PIP4K2B: variants seen among roughly 807,000 people sequenced by gnomAD.
PIP4K2B encodes the protein phosphatidylinositol 5-phosphate 4-kinase type-2 beta.
In PIP4K2B, 3 loss-of-function variants were observed where a neutral mutation model predicts 42.0. That is an observed-to-expected ratio of 0.07 (90% confidence interval 0.03 to 0.18). PIP4K2B has a LOEUF of 0.18. PIP4K2B is among the 10% of genes least tolerant of loss of function. PIP4K2B has a pLI of 1.00. For missense variants in PIP4K2B, 332 were observed against 562.3 expected, an observed-to-expected ratio of 0.59 and a Z score of 4.14; for synonymous variants, 204 against 210.1, an observed-to-expected ratio of 0.97 and a Z score of 0.25.
At chr17:38,797,313 CG>C (rs1910705867) in intron 1 of PIP4K2B, among the ~76,000 whole-genome samples, 1 of 152,164 alleles carries the variant, frequency 6.6e-6, no homozygotes, top group South Asian at 2.1e-4. Context: ...GCCTGCCTAT[CG>C]GAACACCATG....
intron 1 of PIP4K2B, among the ~76,000 whole-genome samples, chr17:38,787,591 CTTTCTT>C (rs1164543056): frequency 2.0e-5 from 3 of 152,080 alleles, no homozygotes; most frequent in East Asian, 1.9e-4. Flanking sequence ...TATTATTTAT[CTTTCTT>C]TTTCTTTTTC....
intron 1 of PIP4K2B, among the ~76,000 whole-genome samples, chr17:38,797,970 C>A (rs1259353525): frequency 1.3e-5 from 2 of 152,136 alleles, no homozygotes; most frequent in African/African-American, 2.4e-5. Context: ...GTAACCTGCC[C>A]AAGACCAAGA....
intron 5 of PIP4K2B, among the ~76,000 whole-genome samples, chr17:38,779,059 A>G (rs1359055364): frequency 6.6e-6 from 1 of 152,242 alleles, no homozygotes; most frequent in African/African-American, 2.4e-5. Context: ...CTAGAGATGC[A>G]CTTGTGCTGG....
In PIP4K2B at chr17:38,768,329, C is replaced by G. The variant is rs952351869; in HGVS notation, c.*1362G>C. The stretch of plus-strand genomic sequence containing the variant: ...TGGCAGGCTCCGAAGGCAGGTGGAA[C>G]ACCTGCAGGAAGCCACTCCTTCCAA... On this transcript the variant is annotated 3_prime_UTR_variant, in exon 10 of 10. Transcript: ENST00000619039. 2.0e-5 allele frequency: 3 copies of G among 152,388 alleles called. No individual in the cohort carries two copies. The highest frequency in any genetic ancestry group is 7.2e-5 in the African/African-American group (3 of 41,460). The allele number at this position is 152,388 out of a possible 1,614,324, so 9.4% of individuals were successfully genotyped here.
intron 7 of PIP4K2B, chr17:38,776,658 A>C (rs778141002): frequency 2.7e-5 from 12 of 439,412 alleles, no homozygotes; most frequent in South Asian, 9.8e-5. Context: ...AACAAACAAA[A>C]AAAACACCTA....
At chr17:38,774,056 C>T (rs1317927726) in intron 7 of PIP4K2B, among the ~76,000 whole-genome samples, 48 of 152,348 alleles carry the variant, frequency 3.2e-4, no homozygotes, top group African/African-American at 2.4e-5. Context: ...CGCTTCCTAG[C>T]AAAACGAAGT....
Position 38,766,491 on chromosome 17 carries a change from T to G in PIP4K2B, c.*3200A>C, listed in dbSNP as rs1325690430. On this transcript the variant is annotated 3_prime_UTR_variant, in exon 10 of 10. Transcript: ENST00000619039. ...CCCCAAGGTATGCCCTGGCAGACCATGAAGACAGGAAAGGCAGGGCAGGAG... is the reference window on the plus strand; with the variant it reads ...CCCCAAGGTATGCCCTGGCAGACCAGGAAGACAGGAAAGGCAGGGCAGGAG... 1.3e-5 allele frequency: 2 copies of G among 152,610 alleles called. No individual in the cohort carries two copies. Among genetic ancestry groups the G allele is most frequent in the East Asian group, 1.9e-4 (1 of 5,182 alleles). 9.5% of individuals were successfully genotyped at this position (152,610 alleles called of 1,614,324 possible).
Position 38,766,342 on chromosome 17 carries a change from C to T in PIP4K2B, c.*3349G>A, listed in dbSNP as rs75779079. The T allele has an allele frequency of 0.052, 7,948 of 152,722 alleles. 378 individuals carry two copies. Among genetic ancestry groups the T allele is most frequent in the African/African-American group, 0.12 (5,156 of 41,492 alleles). 9.5% of individuals were successfully genotyped at this position (152,722 alleles called of 1,614,324 possible). ...GTTTAAACGCACTGTCCCTTCTAGCCCCCAACACCTGAGTAACTCACATGC... is the reference window on the plus strand; with the variant it reads ...GTTTAAACGCACTGTCCCTTCTAGCTCCCAACACCTGAGTAACTCACATGC... On this transcript the variant is annotated 3_prime_UTR_variant, in exon 10 of 10. Coordinates refer to ENST00000619039, the MANE Select transcript of PIP4K2B (RefSeq NM_003559.5).
chr17:38,772,191 G>A (rs228291), intron 7 of PIP4K2B, among the ~76,000 whole-genome samples: 47,157 of 152,132 alleles, frequency 0.31, 8,067 homozygotes, highest in South Asian at 0.45. Context: ...CTGGAACTAG[G>A]ATTTCTTTAA....
rs1910846711 is a variant in PIP4K2B, at chr17:38,799,504, G to C, written c.-80C>G. The stretch of plus-strand genomic sequence containing the variant: ...AGCCAGCGGCCTCAGGCCTCCCCCG[G>C]ACCGATCCCCACCCCCGCTCCCTCA... On this transcript the variant is annotated 5_prime_UTR_variant, in exon 1 of 10. Coordinates refer to ENST00000619039, the MANE Select transcript of PIP4K2B (RefSeq NM_003559.5). The surrounding 1 kb of genome is among the most constrained non-coding windows in gnomAD (Gnocchi z 4.4). The C allele has an allele frequency of 7.2e-7, 1 of 1,385,622 alleles. No individual in the cohort carries two copies. Among genetic ancestry groups the C allele is most frequent in the African/African-American group, 1.5e-5 (1 of 65,260 alleles). The allele number at this position is 1,385,622 out of a possible 1,614,324, so 85.8% of individuals were successfully genotyped here. A position where few individuals can be genotyped will look rare whatever the true frequency, so the allele number is the denominator to read the frequency against.
intron 3 of PIP4K2B, among the ~76,000 whole-genome samples, chr17:38,783,992 C>T (rs1014102758): frequency 3.3e-5 from 5 of 152,188 alleles, no homozygotes; most frequent in Non-Finnish European, 5.9e-5. Flanking sequence ...CCGCAGACCC[C>T]TCTCCCTCCT....
At chr17:38,782,546 T>A (rs920445571) in intron 3 of PIP4K2B, among the ~76,000 whole-genome samples, 5 of 152,156 alleles carry the variant, frequency 3.3e-5, no homozygotes, top group Non-Finnish European at 7.3e-5. Context: ...CATGATTGAG[T>A]TCAGGGTTCA....
At chr17:38,798,633 T>C (rs576583721) in intron 1 of PIP4K2B, among the ~76,000 whole-genome samples, 3 of 152,338 alleles carry the variant, frequency 2.0e-5, no homozygotes, top group South Asian at 2.1e-4. Context: ...AAATGGTTAA[T>C]AGCCATTCTT....
At chr17:38,778,903 C>T (rs893006269) in intron 5 of PIP4K2B, among the ~76,000 whole-genome samples, 8 of 152,130 alleles carry the variant, frequency 5.3e-5, no homozygotes, top group Admixed American at 5.2e-4. Context: ...GGAAGAGGAG[C>T]ACAGGCACTG....
chr17:38,766,651 C>A lies in PIP4K2B; in HGVS notation c.*3040G>T, dbSNP rs1162499643. ...CTTAAGAGACTGCCACTGAGAACAG[C>A]CACAGGGGCCACTCGTGGCGCCTGC... On this transcript the variant is annotated 3_prime_UTR_variant, in exon 10 of 10. Coordinates refer to ENST00000619039, the MANE Select transcript of PIP4K2B (RefSeq NM_003559.5). 6.5e-6 allele frequency: 1 copy of A among 152,712 alleles called. No homozygotes were observed. The highest frequency in any genetic ancestry group is 1.5e-5 in the Non-Finnish European group (1 of 68,100). The allele number at this position is 152,712 out of a possible 1,614,324, so 9.5% of individuals were successfully genotyped here. A position where few individuals can be genotyped will look rare whatever the true frequency, so the allele number is the denominator to read the frequency against.
chr17:38,769,551 G>C lies in PIP4K2B; in HGVS notation c.*140C>G. 1 of 708,192 alleles carries C rather than the reference G, an allele frequency of 1.4e-6. No homozygotes were observed. Among genetic ancestry groups the C allele is most frequent in the East Asian group, 2.5e-5 (1 of 40,564 alleles). 43.9% of individuals were successfully genotyped at this position (708,192 alleles called of 1,614,324 possible). On this transcript the variant is annotated 3_prime_UTR_variant, in exon 10 of 10. Transcript: ENST00000619039. Reference sequence around the variant, plus strand: ...GCTAAAGTCTCTTTCGGTGTCACAGGCTGCAGTCTCATTGCTAAAGCCCTC... The same window carrying C: ...GCTAAAGTCTCTTTCGGTGTCACAGCCTGCAGTCTCATTGCTAAAGCCCTC...
intron 7 of PIP4K2B, among the ~76,000 whole-genome samples, chr17:38,774,923 G>C (rs1232231505): frequency 1.3e-5 from 2 of 151,650 alleles, no homozygotes; most frequent in Non-Finnish European, 2.9e-5. Context: ...TCCATACAAT[G>C]GAATATTAAT....
chr17:38,769,521 CTT>C lies in PIP4K2B; in HGVS notation c.*168_*169del, dbSNP rs904624250. 1.7e-5 allele frequency: 11 copies of C among 655,604 alleles called. No homozygotes were observed. Among genetic ancestry groups the C allele is most frequent in the Admixed American group, 9.2e-5 (4 of 43,464 alleles). 40.6% of individuals were successfully genotyped at this position (655,604 alleles called of 1,614,324 possible). On this transcript the variant is annotated 3_prime_UTR_variant, in exon 10 of 10. Transcript: ENST00000619039. ...TGCACACACAGCACATCCCCCTCCTCTTCAGCTAAAGTCTCTTTCGGTGTCAC... is the reference window on the plus strand; with the variant it reads ...TGCACACACAGCACATCCCCCTCCTCCAGCTAAAGTCTCTTTCGGTGTCAC...
Position 38,769,491 on chromosome 17 carries a change from G to T in PIP4K2B, c.*200C>A, listed in dbSNP as rs541122569. The stretch of plus-strand genomic sequence containing the variant: ...CAGAAGGTGGGGTTACATCCTGTGA[G>T]CAGGTGCACACACAGCACATCCCCC... On this transcript the variant is annotated 3_prime_UTR_variant, in exon 10 of 10. Transcript: ENST00000619039. The T allele has an allele frequency of 2.7e-4, 156 of 584,858 alleles. No individual in the cohort carries two copies. The highest frequency in any genetic ancestry group is 1.7e-3 in the Middle Eastern group (4 of 2,342). 36.2% of individuals were successfully genotyped at this position (584,858 alleles called of 1,614,324 possible). A position where few individuals can be genotyped will look rare whatever the true frequency, so the allele number is the denominator to read the frequency against.
Sources: gnomAD v4.1 joint callset for allele counts (sites outside exome capture counted in the v4.1 genomes callset) on GRCh38, gnomAD v4.1.1 for gene constraint, Gnocchi (gnomAD v3.1) non-coding constraint, MANE v1.5 for transcripts, NCBI Gene and HGNC (gene_info 2026-07-23, HGNC 2026-07-21) for gene names.